The following RBMS1 variants were observed in gnomAD, a reference collection of about 807,000 sequenced individuals.
RBMS1 encodes RNA-binding motif, single-stranded-interacting protein 1.
Under a neutral mutation model 62.3 loss-of-function variants are expected in RBMS1, and 17 were observed. The ratio of observed to expected loss-of-function variants is 0.27; its 90% CI spans 0.19 to 0.41. The LOEUF is 0.41. Among genes scored for constraint, RBMS1 ranks in the 10% least tolerant of loss-of-function variants. The pLI, the probability that RBMS1 is intolerant of heterozygous loss-of-function variation, is 1.00. For missense variants in RBMS1, 334 were observed against 504.5 expected, an observed-to-expected ratio of 0.66 and a Z score of 3.24; for synonymous variants, 172 against 170.0, an observed-to-expected ratio of 1.01 and a Z score of -0.09.
chr2:160,366,265 A>C (rs975890066), intron 2 of RBMS1, among the ~76,000 whole-genome samples: 2 of 152,254 alleles, frequency 1.3e-5, no homozygotes, highest in Non-Finnish European at 2.9e-5. Context: ...TTTTCTTAAA[A>C]AAATAAGAAG....
At chr2:160,352,817 C>T (rs1163418810) in intron 2 of RBMS1, among the ~76,000 whole-genome samples, 3 of 152,116 alleles carry the variant, frequency 2.0e-5, no homozygotes, top group Non-Finnish European at 4.4e-5. Flanking sequence ...GTGCCTACCG[C>T]GTTGCATCAT....
At chr2:160,276,044 G>A (rs1687816706) in intron 12 of RBMS1, among the ~76,000 whole-genome samples, 2 of 152,156 alleles carry the variant, frequency 1.3e-5, no homozygotes, top group Non-Finnish European at 2.9e-5. Context: ...AATGTGGTAT[G>A]CATATGCTGT....
At chr2:160,360,311 G>A (rs1693054841) in intron 2 of RBMS1, among the ~76,000 whole-genome samples, 1 of 152,118 alleles carries the variant, frequency 6.6e-6, no homozygotes, top group Non-Finnish European at 1.5e-5. Flanking sequence ...TCACCTATGA[G>A]AGTCCTTGCC....
chr2:160,323,218 G>A (rs1690681292), intron 2 of RBMS1, among the ~76,000 whole-genome samples: 1 of 150,246 alleles, frequency 6.7e-6, no homozygotes, highest in Admixed American at 6.6e-5. Context: ...GCTCACGCCT[G>A]TAATCCCAGC....
At chr2:160,324,192 A>C (rs1330868383) in intron 2 of RBMS1, among the ~76,000 whole-genome samples, 1 of 152,260 alleles carries the variant, frequency 6.6e-6, no homozygotes, top group African/African-American at 2.4e-5. Flanking sequence ...GCATATCATT[A>C]TAGACTTTAT....
chr2:160,458,152 T>G (rs7421218), intron 1 of RBMS1, among the ~76,000 whole-genome samples: 40,494 of 151,702 alleles, frequency 0.27, 6,291 homozygotes, highest in East Asian at 0.6. Context: ...TTCATAGAGA[T>G]AGAATCTCAC....
Position 160,318,741 on chromosome 2 carries a change from G to A in RBMS1, c.252-514C>T, listed in dbSNP as rs567184399. Among the ~76,000 whole-genome samples the A allele has an allele frequency of 8.5e-5, 13 of 152,280 alleles. No homozygotes were observed. In the South Asian group the frequency reaches 2.1e-3, roughly 24 times the overall value. ...TCGCCACAGAAGGGCAGGTGTGTGC[G>A]CATGTTTATGTTTAGCACACTTAAT... On this transcript the variant is annotated intron_variant, in intron 2 of 13. Transcript: ENST00000348849.
intron 1 of RBMS1, 82 bp from the exon 2 acceptor site, chr2:160,367,473 T>C: frequency 6.4e-7 from 1 of 1,569,492 alleles, no homozygotes; most frequent in African/African-American, 1.4e-5. Context: ...AAGATTTAAA[T>C]ATAGATTACT....
chr2:160,314,817 G>A (rs1690121692), intron 3 of RBMS1, among the ~76,000 whole-genome samples: 1 of 152,140 alleles, frequency 6.6e-6, no homozygotes, highest in African/African-American at 2.4e-5. Flanking sequence ...TCAACTACCA[G>A]GTTAGAAATA....
chr2:160,276,342 C>T (rs1187278955), intron 12 of RBMS1, among the ~76,000 whole-genome samples: 2 of 146,132 alleles, frequency 1.4e-5, no homozygotes, highest in African/African-American at 5.0e-5. Flanking sequence ...ATACTACTAC[C>T]ACCACCACCA....
chr2:160,296,369 C>T (rs1239767012), intron 6 of RBMS1, among the ~76,000 whole-genome samples: 1 of 152,144 alleles, frequency 6.6e-6, no homozygotes, highest in Non-Finnish European at 1.5e-5. Flanking sequence ...AGTGTGCTCT[C>T]AGGTTTTAGT....
At chr2:160,327,422 TAA>T (rs1200551966) in intron 2 of RBMS1, among the ~76,000 whole-genome samples, 4 of 152,086 alleles carry the variant, frequency 2.6e-5, no homozygotes, top group Admixed American at 6.5e-5. Flanking sequence ...TAAAAATCGC[TAA>T]GATGCATTTT....
intron 1 of RBMS1, among the ~76,000 whole-genome samples, chr2:160,440,651 T>C (rs952241861): frequency 6.6e-6 from 1 of 152,192 alleles, no homozygotes; most frequent in Non-Finnish European, 1.5e-5. Context: ...AAATATACAG[T>C]ACTTTCCATT....
At chr2:160,386,568 G>C (rs72974981) in intron 1 of RBMS1, among the ~76,000 whole-genome samples, 3,823 of 151,710 alleles carry the variant, frequency 0.025, 90 homozygotes, top group Middle Eastern at 0.062. Flanking sequence ...TGTGGCCTTT[G>C]GAAGGTGATT....
At chr2:160,427,947 C>A (rs1388494839) in intron 1 of RBMS1, among the ~76,000 whole-genome samples, 1 of 152,078 alleles carries the variant, frequency 6.6e-6, no homozygotes, top group African/African-American at 2.4e-5. Context: ...AATGCAAATT[C>A]ACTTTCATTA....
chr2:160,285,852 C>A (rs914514210), intron 7 of RBMS1, among the ~76,000 whole-genome samples: 12 of 151,986 alleles, frequency 7.9e-5, no homozygotes, highest in African/African-American at 2.9e-4. Flanking sequence ...TGGTTCACGC[C>A]TGTAATCCCA....
At chr2:160,352,233 C>T (rs141467294) in intron 2 of RBMS1, among the ~76,000 whole-genome samples, 33 of 152,216 alleles carry the variant, frequency 2.2e-4, no homozygotes, top group Non-Finnish European at 3.7e-4. Context: ...CTCCTAAAAG[C>T]CATACTCTAT....
At chr2:160,290,085 TGAG>T (rs1041434504) in intron 6 of RBMS1, among the ~76,000 whole-genome samples, 2 of 137,526 alleles carry the variant, frequency 1.5e-5, no homozygotes, top group African/African-American at 5.5e-5. Context: ...TGTTACAAAA[TGAG>T]AGATCCTCAT....
Position 160,274,459 on chromosome 2 carries a change from CTTTTTTTTTTTCT to C in RBMS1, c.*300_*312del, listed in dbSNP as rs1227952958. On this transcript the variant is annotated 3_prime_UTR_variant, in exon 14 of 14. Transcript: ENST00000348849. Reference sequence around the variant, plus strand: ...ACCCAGAAAATTGAAGTTTTCTTTTCTTTTTTTTTTTCTTTTTCTTTTTTTGCATCATAACATT... The same window carrying C: ...ACCCAGAAAATTGAAGTTTTCTTTTCTTTTCTTTTTTTGCATCATAACATT... 3.0e-5 allele frequency: 4 copies of C among 133,316 alleles called. No homozygotes were observed. The highest frequency in any genetic ancestry group is 5.0e-5 in the Non-Finnish European group (3 of 60,408). The allele number at this position is 133,316 out of a possible 1,614,324, so 8.3% of individuals were successfully genotyped here. A position where few individuals can be genotyped will look rare whatever the true frequency, so the allele number is the denominator to read the frequency against.
Sources: gnomAD v4.1 joint callset for allele counts (sites outside exome capture counted in the v4.1 genomes callset) on GRCh38, gnomAD v4.1.1 for gene constraint, MANE v1.5 for transcripts, NCBI Gene and HGNC (gene_info 2026-07-23, HGNC 2026-07-21) for gene names.